Variants in ADD1 observed in about 807,000 individuals in gnomAD.
ADD1 encodes the protein adducin 1.
ADD1 carries 24 observed loss-of-function variants against 80.5 expected under a neutral mutation model. The ratio of observed to expected loss-of-function variants is 0.30; its 90% CI spans 0.22 to 0.42. The LOEUF (loss-of-function observed/expected upper bound fraction) is 0.42, where lower values mean the gene tolerates loss of function less well. ADD1 is among the 10% of genes least tolerant of loss of function. The probability of loss-of-function intolerance (pLI) is 1.00; values close to 1 mark genes in which losing one functional copy is unlikely to be tolerated. For synonymous variants in ADD1, 373 were observed against 393.8 expected (o/e 0.95, Z 0.63); for missense variants, 948 against 1,019.0 (o/e 0.93, Z 0.95).
chr4:2,877,960 C>T (rs1362717721), intron 2 of ADD1, among the ~76,000 whole-genome samples: 1 of 151,922 alleles, frequency 6.6e-6, no homozygotes, highest in Non-Finnish European at 1.5e-5. Flanking sequence ...GAGTGAGACC[C>T]TGTCTCCAAA....
intron 2 of ADD1, among the ~76,000 whole-genome samples, chr4:2,878,197 A>T (rs1731666890): frequency 1.3e-5 from 2 of 152,218 alleles, no homozygotes; most frequent in Non-Finnish European, 2.9e-5. Context: ...GGAGGGCTGC[A>T]GACAGGGAAA....
intron 15 of ADD1, among the ~76,000 whole-genome samples, chr4:2,927,304 G>T (rs1711940384): frequency 6.6e-6 from 1 of 152,206 alleles, no homozygotes; most frequent in Non-Finnish European, 1.5e-5. Context: ...ATTAGCCTGG[G>T]GCAGCTGGCA....
intron 1 of ADD1, among the ~76,000 whole-genome samples, chr4:2,846,888 C>T (rs1370942790): frequency 6.6e-6 from 1 of 150,616 alleles, no homozygotes; most frequent in South Asian, 2.1e-4. Context: ...GAGGCCGAGG[C>T]GGGCGGATCA....
intron 13 of ADD1, 136 bp downstream of exon 13, chr4:2,909,567 TGTA>T (rs1259259299): frequency 3.0e-6 from 2 of 656,400 alleles, no homozygotes; most frequent in African/African-American, 3.6e-5. Context: ...TTTGTGAGAT[TGTA>T]CAGAAGGTTC....
chr4:2,899,569 AC>A (rs1735832759), intron 9 of ADD1, 134 bp downstream of exon 9: 4 of 958,522 alleles, frequency 4.2e-6, no homozygotes, highest in Non-Finnish European at 6.5e-6. Context: ...ATGAAGAAGC[AC>A]TAGGGTTGTT....
intron 13 of ADD1, among the ~76,000 whole-genome samples, chr4:2,910,536 G>T (rs1222393016): frequency 3.3e-5 from 5 of 152,250 alleles, no homozygotes; most frequent in Non-Finnish European, 7.4e-5. Context: ...CTTTGTTGCG[G>T]TCTTGTCAGT....
At chr4:2,925,949 A>G in intron 14 of ADD1, 65 bp from the exon 15 acceptor site, 1 of 1,420,818 alleles carries the variant, frequency 7.0e-7, no homozygotes, top group Non-Finnish European at 9.8e-7. Flanking sequence ...TCTGCCATGG[A>G]GGCAGGTACA....
At chr4:2,924,442 G>A (rs868226747) in intron 14 of ADD1, among the ~76,000 whole-genome samples, 5 of 152,246 alleles carry the variant, frequency 3.3e-5, no homozygotes, top group South Asian at 2.1e-4. Context: ...GGAGGCTCCC[G>A]CCAGCATCCT....
At chr4:2,859,603 CA>C (rs1175561524) in intron 1 of ADD1, among the ~76,000 whole-genome samples, 3 of 152,146 alleles carry the variant, frequency 2.0e-5, no homozygotes, top group African/African-American at 4.8e-5. Context: ...GACCCTGTCT[CA>C]AAAAAGCAAA....
intron 4 of ADD1, among the ~76,000 whole-genome samples, chr4:2,889,958 G>C (rs1355938754): frequency 1.3e-5 from 2 of 152,124 alleles, no homozygotes; most frequent in Non-Finnish European, 2.9e-5. Flanking sequence ...CTGCACTTTG[G>C]GAGACCAAGG....
intron 1 of ADD1, among the ~76,000 whole-genome samples, chr4:2,855,545 C>G (rs371437418): frequency 2.0e-5 from 3 of 151,368 alleles, no homozygotes; most frequent in African/African-American, 7.3e-5. Context: ...CTGTCGCCCT[C>G]CTAGATACAG....
Position 2,899,290 on chromosome 4 carries a change from A to G in ADD1, c.1016A>G (p.Asp339Gly). The change falls in exon 9 of 16, where the codon GAC (aspartate) becomes GGC (glycine). Residue 339 changes from aspartate to glycine, a missense_variant. Coordinates refer to ENST00000683351, the MANE Select transcript of ADD1 (RefSeq NM_001354761.2). ...VRTLASAGGP[D>G]NLVLLNPEKY... ...ACTCTGGCCAGTGCAGGAGGACCAG[A>G]CAACTTAGTCCTGCTGAATCCTGAG... 6.2e-7 allele frequency: 1 copy of G among 1,613,790 alleles called. No homozygotes were observed. The highest frequency in any genetic ancestry group is 2.2e-5 in the East Asian group (1 of 44,876).
At chr4:2,900,426 G>C (rs1735987218) in intron 9 of ADD1, 1 of 152,318 alleles carries the variant, frequency 6.6e-6, no homozygotes, top group African/African-American at 2.4e-5. Flanking sequence ...ACCTCAAGTG[G>C]TGTAGATGTG....
chr4:2,845,537 C>T (rs956575484), intron 1 of ADD1, among the ~76,000 whole-genome samples: 2 of 152,104 alleles, frequency 1.3e-5, no homozygotes, highest in African/African-American at 2.4e-5. Flanking sequence ...TAGTTTTCTA[C>T]TTGTGGTGTC....
chr4:2,912,939 C>T (rs770435261), intron 13 of ADD1, among the ~76,000 whole-genome samples: 1 of 152,156 alleles, frequency 6.6e-6, no homozygotes, highest in Non-Finnish European at 1.5e-5. Flanking sequence ...CCGCCTCCCA[C>T]GTTCAGGTGA....
At chr4:2,906,824 C>A (rs1219761438) in intron 10 of ADD1, among the ~76,000 whole-genome samples, 2 of 152,228 alleles carry the variant, frequency 1.3e-5, no homozygotes, top group African/African-American at 4.8e-5. Context: ...CTCGCAGTGG[C>A]TCAGCATTTG....
intron 1 of ADD1, among the ~76,000 whole-genome samples, chr4:2,846,585 ATC>A (rs1456197279): frequency 6.6e-6 from 1 of 152,194 alleles, no homozygotes; most frequent in African/African-American, 2.4e-5. Context: ...ATCTTGAGGT[ATC>A]TCTTACAGAA....
chr4:2,908,886 C>T (rs888454981), intron 12 of ADD1: 10 of 501,872 alleles, frequency 2.0e-5, no homozygotes, highest in South Asian at 1.1e-4. Context: ...GGCTCAGATT[C>T]GGCCCGGGTT....
chr4:2,904,491 T>C (rs1477082444), intron 9 of ADD1, among the ~76,000 whole-genome samples: 6 of 152,258 alleles, frequency 3.9e-5, no homozygotes, highest in Non-Finnish European at 7.3e-5. Flanking sequence ...AGCCTTCTTA[T>C]GAAGACACTA....
Sources: gnomAD v4.1 joint callset for allele counts (sites outside exome capture counted in the v4.1 genomes callset) on GRCh38, gnomAD v4.1.1 for gene constraint, MANE v1.5 for transcripts, NCBI Gene and HGNC (gene_info 2026-07-23, HGNC 2026-07-21) for gene names.